Variants in ATP1A2 observed in about 807,000 individuals in gnomAD.
The protein encoded by ATP1A2 is ATPase Na+/K+ transporting subunit alpha 2.
A neutral mutation model predicts 113.1 loss-of-function variants in ATP1A2; 56 were observed. That is an observed-to-expected ratio of 0.49 (90% confidence interval 0.40 to 0.62). The LOEUF is 0.62. Ranked by LOEUF, ATP1A2 falls within the 20% of genes least tolerant of loss-of-function variation. ATP1A2 has a pLI of 0.00. For synonymous variants in ATP1A2, 490 were observed against 526.8 expected, an observed-to-expected ratio of 0.93 and a Z score of 0.96; for missense variants, 712 against 1,357.8, an observed-to-expected ratio of 0.52 and a Z score of 7.47.
chr1:160,139,990 C>T lies in ATP1A2; in HGVS notation c.3034+6C>T. ...CCTGCGGCGGTATCCTGGTGGTAAG[C>T]CCCTCCACATTCCCCCCAGCAAAGT... On this transcript the variant is annotated splice_donor_region_variant and intron_variant, in intron 22 of 22. Transcript: ENST00000361216. 6.2e-7 allele frequency: 1 copy of T among 1,613,250 alleles called. No individual in the cohort carries two copies. Among genetic ancestry groups the T allele is most frequent in the Non-Finnish European group, 8.5e-7 (1 of 1,179,834 alleles).
At chr1:160,116,548 C>CG (rs1491156839) in intron 1 of ATP1A2, among the ~76,000 whole-genome samples, 5 of 151,884 alleles carry the variant, frequency 3.3e-5, no homozygotes, top group Admixed American at 1.3e-4. Flanking sequence ...GTGACCCCCC[C>CG]CCCAGTCCAC....
rs71804001 is a variant in ATP1A2 at position 160,136,801 on chromosome 1, TG to T, written c.2709+89del. ...GCAGGAGTGGCCAGTGGTGGCCAACTGGGACTGGGGCTAGGGGTGGATCAGG... is the reference window on the plus strand; with the variant it reads ...GCAGGAGTGGCCAGTGGTGGCCAACTGGACTGGGGCTAGGGGTGGATCAGG... On this transcript the variant is annotated intron_variant, in intron 19 of 22. Coordinates refer to ENST00000361216, the MANE Select transcript of ATP1A2 (RefSeq NM_000702.4). 1.3e-3 allele frequency: 2,067 copies of T among 1,614,008 alleles called. 18 individuals are homozygous for T. In the African/African-American group the frequency reaches 0.024, roughly 19 times the overall value.
At chr1:160,131,450 A>T (rs967416725) in intron 13 of ATP1A2, among the ~76,000 whole-genome samples, 1 of 152,208 alleles carries the variant, frequency 6.6e-6, no homozygotes, top group African/African-American at 2.4e-5. Context: ...TCATACCAGG[A>T]GACTTGTTTC....
chr1:160,139,039 A>C (rs1438040471), intron 20 of ATP1A2, among the ~76,000 whole-genome samples: 1 of 152,236 alleles, frequency 6.6e-6, no homozygotes, highest in Non-Finnish European at 1.5e-5. Context: ...AAGCTAGTCA[A>C]TGGCAGAACT....
chr1:160,116,151 A>C (rs1651170566), intron 1 of ATP1A2, among the ~76,000 whole-genome samples: 9 of 133,372 alleles, frequency 6.7e-5, no homozygotes, highest in African/African-American at 1.8e-4. Flanking sequence ...CCTCCACCCC[A>C]CTCCCACATC....
At position 160,124,354 on chromosome 1, in the gene ATP1A2, TG is replaced by T; in HGVS notation, c.557del (p.Gly186GlufsTer6). The T allele has an allele frequency of 6.2e-7, 1 of 1,612,404 alleles. No homozygotes were observed. The highest frequency in any genetic ancestry group is 8.5e-7 in the Non-Finnish European group (1 of 1,179,412). ...KMQINAEEVV[V>X]GDLVEVKGGD... is the part of the protein sequence containing the mutation. Reference sequence around the variant, plus strand: ...CAGATCAACGCAGAGGAAGTGGTGGTGGGAGACCTGGTGGAGGTGAAGGGTG... The same window carrying T: ...CAGATCAACGCAGAGGAAGTGGTGGTGGAGACCTGGTGGAGGTGAAGGGTG... On this transcript the variant is annotated frameshift_variant, in exon 6 of 23. Transcript: ENST00000361216. LOFTEE classifies it high-confidence loss of function.
intron 22 of ATP1A2, 137 bp from the exon 23 acceptor site, chr1:160,141,157 T>C (rs1652135281): frequency 7.7e-6 from 8 of 1,041,570 alleles, no homozygotes. Flanking sequence ...CCTTCCACCT[T>C]CCTAAGCCAC....
Position 160,142,051 on chromosome 1 carries a change from G to A in ATP1A2, c.*729G>A, listed in dbSNP as rs1652169937. Reference sequence around the variant, plus strand: ...TCCCACATTTTAGAATACCCCACCAGCAGAACAAACTCAGATCTCATCAGG... The same window carrying A: ...TCCCACATTTTAGAATACCCCACCAACAGAACAAACTCAGATCTCATCAGG... On this transcript the variant is annotated 3_prime_UTR_variant, in exon 23 of 23. Transcript: ENST00000361216. 1 of 153,672 alleles carries A rather than the reference G, an allele frequency of 6.5e-6. No individual in the cohort carries two copies. The highest frequency in any genetic ancestry group is 2.0e-4 in the South Asian group (1 of 4,888). The allele number at this position is 153,672 out of a possible 1,614,324, so 9.5% of individuals were successfully genotyped here.
chr1:160,129,641 C>T (rs575290163), intron 11 of ATP1A2, among the ~76,000 whole-genome samples: 2 of 152,302 alleles, frequency 1.3e-5, no homozygotes, highest in Admixed American at 1.3e-4. Flanking sequence ...CTTCCCATAG[C>T]TCCGCATCCT....
At chr1:160,117,983 C>T (rs1260212980) in intron 1 of ATP1A2, among the ~76,000 whole-genome samples, 2 of 152,036 alleles carry the variant, frequency 1.3e-5, no homozygotes, top group African/African-American at 2.4e-5. Flanking sequence ...TCCTTGCTTC[C>T]TCTCTTTCTT....
rs774500282 is a variant in ATP1A2, at chr1:160,127,830, T to G, written c.1017+10T>G. The G allele has an allele frequency of 1.9e-6, 3 of 1,587,428 alleles. No individual in the cohort carries two copies. The African/African-American group carries it at 4.0e-5, about 21-fold the overall frequency. On this transcript the variant is annotated intron_variant, in intron 8 of 22. Transcript: ENST00000361216. The stretch of plus-strand genomic sequence containing the variant: ...TCTGGCCACTGTCACTGTGAGTGGG[T>G]CAGGCTGAGGTGCCACCAGGGGAGG...
At position 160,124,384 on chromosome 1, in the gene ATP1A2, A is replaced by G; in HGVS notation, c.584A>G (p.Asp195Gly). The change falls in exon 6 of 23, where the codon GAC (aspartate) becomes GGC (glycine). Residue 195 changes from aspartate to glycine, a missense_variant. Physicochemically the swap from Asp to Gly is moderately conservative, Grantham distance 94. This residue lies in a region of ATP1A2 where 99 missense variants were observed against 180.4 expected (regional missense o/e 0.55). Transcript: ENST00000361216. ...VGDLVEVKGGDRVPADLRIIS... is the reference protein window; with the variant it reads ...VGDLVEVKGGGRVPADLRIIS... ...GACCTGGTGGAGGTGAAGGGTGGAG[A>G]CCGCGTCCCTGCTGACCTCCGGATC... 6.2e-7 allele frequency: 1 copy of G among 1,612,454 alleles called. No homozygotes were observed. The highest frequency in any genetic ancestry group is 8.5e-7 in the Non-Finnish European group (1 of 1,179,480).
At chr1:160,118,425 T>C (rs974824616) in intron 1 of ATP1A2, among the ~76,000 whole-genome samples, 3 of 152,064 alleles carry the variant, frequency 2.0e-5, no homozygotes, top group African/African-American at 7.2e-5. Context: ...TTCTTCCTTT[T>C]CTCAGCTCTG....
chr1:160,120,054 T>C lies in ATP1A2; in HGVS notation c.13-852T>C, dbSNP rs192021510. 2.0e-4 allele frequency among the ~76,000 whole-genome samples: 30 copies of C among 152,058 alleles called. 1 individual carries two copies. In the East Asian group the frequency reaches 4.8e-3, roughly 24 times the overall value. On this transcript the variant is annotated intron_variant, in intron 1 of 22. Transcript: ENST00000361216. ...AAAAAAGGCCATCTGATTCACCAGA[T>C]GACCCAGGAATGTCTAGACTTAAAA...
chr1:160,128,577 C>G (rs1429687834), intron 8 of ATP1A2, 75 bp from the exon 9 acceptor site: 1 of 1,605,064 alleles, frequency 6.2e-7, no homozygotes, highest in East Asian at 2.2e-5. Flanking sequence ...AGGAATGGAG[C>G]CACGGTCTAG....
At chr1:160,124,493 A>G in intron 6 of ATP1A2, 63 bp downstream of exon 6, 1 of 1,559,384 alleles carries the variant, frequency 6.4e-7, no homozygotes. Context: ...CAGAGCTGAG[A>G]GGGGCCCAGT....
chr1:160,139,193 A>G (rs1416391346), intron 20 of ATP1A2, among the ~76,000 whole-genome samples: 1 of 152,202 alleles, frequency 6.6e-6, no homozygotes, highest in Non-Finnish European at 1.5e-5. Context: ...TTAAATATCT[A>G]TAATGAAACC....
At chr1:160,137,223 C>T in intron 20 of ATP1A2, 192 bp downstream of exon 20, 1 of 905,512 alleles carries the variant, frequency 1.1e-6, no homozygotes, top group Non-Finnish European at 1.7e-6. Flanking sequence ...CCTAATTTTG[C>T]ATTTTGTTAT....
chr1:160,116,735 GA>G (rs1429237722), intron 1 of ATP1A2, among the ~76,000 whole-genome samples: 1 of 152,198 alleles, frequency 6.6e-6, no homozygotes, highest in African/African-American at 2.4e-5. Context: ...GGCAAAAGAG[GA>G]CACAGAGGGA....
Sources: gnomAD v4.1 joint callset for allele counts (sites outside exome capture counted in the v4.1 genomes callset) on GRCh38, gnomAD v4.1.1 for gene constraint, gnomAD v4.1.1 regional missense constraint, MANE v1.5 for transcripts, NCBI Gene and HGNC (gene_info 2026-07-23, HGNC 2026-07-21) for gene names.